The following SLIT1 variants were observed in gnomAD, a reference collection of about 807,000 sequenced individuals.
SLIT1 encodes slit guidance ligand 1.
A neutral mutation model predicts 186.1 loss-of-function variants in SLIT1; 66 were observed. The observed-to-expected ratio is 0.35, with a 90% CI of 0.29 to 0.44. The LOEUF is 0.44. Ranked by LOEUF, SLIT1 falls within the 20% of genes least tolerant of loss-of-function variation. The pLI is 1.00. For missense variants in SLIT1, 1,638 were observed against 2,037.4 expected (o/e 0.80, Z 3.77); for synonymous variants, 761 against 833.8 (o/e 0.91, Z 1.50).
intron 4 of SLIT1, among the ~76,000 whole-genome samples, chr10:97,141,731 TGTATTGTATC>T (rs1453434733): frequency 1.6e-5 from 2 of 127,876 alleles, no homozygotes; most frequent in Non-Finnish European, 3.3e-5. Flanking sequence ...TGTATTGTAC[TGTATTGTATC>T]GTATCGTATC....
intron 4 of SLIT1, among the ~76,000 whole-genome samples, chr10:97,092,445 G>T (rs1194197917): frequency 6.6e-6 from 1 of 152,216 alleles, no homozygotes; most frequent in South Asian, 2.1e-4. Context: ...AGCCTTTGGG[G>T]TATCTCATAG....
At chr10:97,060,836 C>T in intron 8 of SLIT1, 49 bp from the exon 9 acceptor site, 5 of 1,515,114 alleles carry the variant, frequency 3.3e-6, no homozygotes, top group Non-Finnish European at 2.7e-6. Context: ...ATCAGCACCT[C>T]CCTTGAGCCC....
At chr10:97,171,256 G>A (rs567852550) in intron 1 of SLIT1, among the ~76,000 whole-genome samples, 194 of 152,128 alleles carry the variant, frequency 1.3e-3, no homozygotes, top group African/African-American at 4.5e-3. Context: ...CAGTAAAGGG[G>A]CCCACAGAGG....
intron 4 of SLIT1, among the ~76,000 whole-genome samples, chr10:97,145,839 G>T (rs1849811822): frequency 6.6e-6 from 1 of 152,194 alleles, no homozygotes; most frequent in African/African-American, 2.4e-5. Context: ...ACAGACTGCG[G>T]CAGTGAGGAG....
intron 4 of SLIT1, among the ~76,000 whole-genome samples, chr10:97,081,013 T>C (rs78901567): frequency 6.6e-6 from 1 of 152,154 alleles, no homozygotes; most frequent in African/African-American, 2.4e-5. Context: ...GGTTTTAGGG[T>C]ATTTTGAAGA....
intron 4 of SLIT1, among the ~76,000 whole-genome samples, chr10:97,111,377 G>A (rs1436377733): frequency 6.6e-6 from 1 of 151,830 alleles, no homozygotes; most frequent in Admixed American, 6.6e-5. Flanking sequence ...ATCTACACAC[G>A]CTAGAGTCTA....
chr10:97,062,589 G>C (rs144361607), intron 8 of SLIT1, among the ~76,000 whole-genome samples: 2,497 of 152,370 alleles, frequency 0.016, 27 homozygotes, highest in Middle Eastern at 0.068. Flanking sequence ...TGCAGGGTGA[G>C]GAGGAGTCGG....
chr10:97,107,627 A>C (rs1849426737), intron 4 of SLIT1, among the ~76,000 whole-genome samples: 1 of 152,178 alleles, frequency 6.6e-6, no homozygotes. Context: ...ATTTTTGGAA[A>C]AGGAAATTGC....
chr10:97,047,207 G>A (rs886400741), intron 16 of SLIT1, 142 bp from the exon 17 acceptor site: 5 of 638,804 alleles, frequency 7.8e-6, no homozygotes, highest in Non-Finnish European at 1.4e-5. Context: ...TATTTCAAAG[G>A]AAGGCTGGGC....
chr10:97,050,739 C>CAA (rs1848779404), intron 13 of SLIT1, among the ~76,000 whole-genome samples: 1 of 152,184 alleles, frequency 6.6e-6, no homozygotes, highest in South Asian at 2.1e-4. Flanking sequence ...CCCTTTATTA[C>CAA]CATCTTGGCA....
At position 97,019,093 on chromosome 10, in the gene SLIT1, C is replaced by T. The variant is rs769749318; in HGVS notation, c.2761G>A (p.Ala921Thr). Residue 921 changes from alanine to threonine, a missense_variant, in exon 27 of 37, where the codon GCT becomes ACT. Ala to Thr is a moderately conservative substitution (Grantham distance 58). Around this residue, in one of 3 missense-constraint regions of SLIT1, gnomAD observed 1,245 missense variants for 1,535.3 expected, o/e 0.81. Coordinates refer to ENST00000266058, the MANE Select transcript of SLIT1 (RefSeq NM_003061.3). ...CAGAGATCACACTTGGCCTGGACAG[C>T]CAGCGTTGGAGGACCTGCAGCAAGG... ...KFECQGPPTL[A>T]VQAKCDLCLS... The T allele has an allele frequency of 3.1e-6, 5 of 1,613,328 alleles. No homozygotes were observed. In the East Asian group the frequency reaches 8.9e-5, roughly 29 times the overall value.
chr10:97,101,179 C>T (rs912167781), intron 4 of SLIT1, among the ~76,000 whole-genome samples: 2 of 152,050 alleles, frequency 1.3e-5, no homozygotes, highest in Non-Finnish European at 2.9e-5. Context: ...GAGTCATAGG[C>T]CCCCCTGGGG....
chr10:97,081,906 A>G (rs1000074416), intron 4 of SLIT1, among the ~76,000 whole-genome samples: 2 of 152,184 alleles, frequency 1.3e-5, no homozygotes, highest in Non-Finnish European at 2.9e-5. Context: ...GCCACCTTCA[A>G]CCTGACCCAT....
intron 1 of SLIT1, among the ~76,000 whole-genome samples, chr10:97,171,152 C>G (rs903008037): frequency 1.3e-5 from 2 of 152,202 alleles, no homozygotes; most frequent in Non-Finnish European, 2.9e-5. Flanking sequence ...TGAAATCTTA[C>G]CCTGGCCAAG....
In SLIT1 at chr10:97,010,080, T is replaced by C. The variant is rs934149210; in HGVS notation, c.3341+913A>G. 6.6e-6 allele frequency among the ~76,000 whole-genome samples: 1 copy of C among 152,154 alleles called. No homozygotes were observed. The highest frequency in any genetic ancestry group is 2.4e-5 in the African/African-American group (1 of 41,428). Reference sequence around the variant, plus strand: ...CGCATATACCCAAGAGACTGAAAAATGTATGTCTACACAAAAACCTGTACA... The same window carrying C: ...CGCATATACCCAAGAGACTGAAAAACGTATGTCTACACAAAAACCTGTACA... On this transcript the variant is annotated intron_variant, in intron 31 of 36. Transcript: ENST00000266058. The surrounding 1 kb of genome is among the most constrained non-coding windows in gnomAD (Gnocchi z 4.8).
rs761730496 is a variant in SLIT1, at chr10:97,004,267, C to A, written c.3711-45G>T. The A allele has an allele frequency of 1.3e-6, 2 of 1,570,908 alleles. No homozygotes were observed. The highest frequency in any genetic ancestry group is 1.1e-5 in the South Asian group (1 of 87,362). On this transcript the variant is annotated intron_variant, in intron 33 of 36. Transcript: ENST00000266058. This position sits in a 1 kb window ranked among gnomAD's most constrained non-coding sequence, Gnocchi z 5.1. ...CCCGTTCCAGGGAGTGGGCATCAGT[C>A]TGGACCATCCCTGCCTGGGCACTTC...
At chr10:97,019,744 G>A (rs572941803) in intron 26 of SLIT1, among the ~76,000 whole-genome samples, 48 of 152,226 alleles carry the variant, frequency 3.2e-4, no homozygotes, top group African/African-American at 1.1e-3. Flanking sequence ...CGACAGCCAG[G>A]CCGCCTGGGA....
At chr10:97,066,840 C>A (rs1848951339) in intron 4 of SLIT1, among the ~76,000 whole-genome samples, 2 of 152,218 alleles carry the variant, frequency 1.3e-5, no homozygotes. Flanking sequence ...GAGGCCAGTT[C>A]AGCCCCCCAC....
chr10:97,122,525 A>C (rs1183960168), intron 4 of SLIT1, among the ~76,000 whole-genome samples: 3 of 152,124 alleles, frequency 2.0e-5, no homozygotes, highest in Non-Finnish European at 4.4e-5. Flanking sequence ...TGAGACCCGG[A>C]GGATGACAGA....
Sources: allele counts gnomAD v4.1 joint callset (sites outside exome capture counted in the v4.1 genomes callset), GRCh38; gene constraint gnomAD v4.1.1; regional missense constraint gnomAD v4.1.1; non-coding constraint Gnocchi (gnomAD v3.1); transcripts MANE v1.5; gene names NCBI Gene and HGNC (gene_info 2026-07-23, HGNC 2026-07-21).